Variants in SDK2 observed in about 807,000 individuals in gnomAD.
SDK2 encodes the protein protein sidekick-2.
In SDK2, 105 loss-of-function variants were observed where a neutral mutation model predicts 253.9. That is an observed-to-expected ratio of 0.41 (90% CI 0.35 to 0.49). SDK2 has a LOEUF of 0.49. SDK2 is among the 20% of genes least tolerant of loss of function. SDK2 has a pLI of 0.06. For synonymous variants in SDK2, 1,249 were observed against 1,234.9 expected, an observed-to-expected ratio of 1.01 and a Z score of -0.24; for missense variants, 2,608 against 3,003.0, an observed-to-expected ratio of 0.87 and a Z score of 3.07.
At chr17:73,598,728 C>T (rs923212317) in intron 1 of SDK2, among the ~76,000 whole-genome samples, 14 of 152,142 alleles carry the variant, frequency 9.2e-5, no homozygotes, top group Non-Finnish European at 1.8e-4. Flanking sequence ...CCAGGGACCA[C>T]CCCTAGCTGT....
chr17:73,524,938 C>T (rs777812743), intron 1 of SDK2, among the ~76,000 whole-genome samples: 15 of 152,250 alleles, frequency 9.9e-5, no homozygotes, highest in South Asian at 2.1e-4. Flanking sequence ...GCACATCATT[C>T]CCATGGACTT....
intron 40 of SDK2, among the ~76,000 whole-genome samples, chr17:73,354,493 G>A (rs1222910243): frequency 6.6e-6 from 1 of 152,210 alleles, no homozygotes; most frequent in African/African-American, 2.4e-5. Flanking sequence ...TGGGGCTGAT[G>A]GGGTCAGCCT....
intron 44 of SDK2, among the ~76,000 whole-genome samples, chr17:73,342,397 A>G (rs2062445867): frequency 6.6e-6 from 1 of 152,212 alleles, no homozygotes; most frequent in African/African-American, 2.4e-5. Flanking sequence ...CAGGCAGGCC[A>G]GGGAGACTCC....
chr17:73,533,679 C>T (rs1216105224), intron 1 of SDK2, among the ~76,000 whole-genome samples: 1 of 136,670 alleles, frequency 7.3e-6, no homozygotes. Context: ...TCCCCCAGCC[C>T]CCCACCCCCC....
intron 40 of SDK2, among the ~76,000 whole-genome samples, chr17:73,353,175 G>C (rs1396752293): frequency 6.6e-6 from 1 of 152,092 alleles, no homozygotes. Context: ...GTACTGTGCA[G>C]AAAGTACTGT....
In SDK2 at chr17:73,379,254, C is replaced by T. The variant is rs780372738; in HGVS notation, c.4903G>A (p.Ala1635Thr). The change falls in exon 36 of 45, where the codon GCC (alanine) becomes ACC (threonine). Residue 1635 changes from alanine to threonine, a missense_variant. Transcript: ENST00000392650. This position sits in a 1 kb window ranked among gnomAD's most constrained non-coding sequence, Gnocchi z 4.5. Reference protein sequence around the residue: ...AAPRNVVVHGATATQLDVTWE... With the variant: ...AAPRNVVVHGTTATQLDVTWE... ...GTCACGTCCAGCTGTGTGGCCGTGG[C>T]GCCGTGGACGACCACGTTACGAGGT... 2.6e-5 allele frequency: 41 copies of T among 1,555,938 alleles called. No homozygotes were observed. Among genetic ancestry groups the T allele is most frequent in the Admixed American group, 9.7e-5 (5 of 51,486 alleles).
chr17:73,574,419 G>GAACATGTGTACGTGCACA (rs373962355), intron 1 of SDK2, among the ~76,000 whole-genome samples: 14 of 105,400 alleles, frequency 1.3e-4, no homozygotes, highest in African/African-American at 4.4e-4. Context: ...TCACGTGCAT[G>GAACATGTGTACGTGCACA]CACATGTGTA....
chr17:73,535,920 C>T (rs892033684), intron 1 of SDK2, among the ~76,000 whole-genome samples: 3 of 152,102 alleles, frequency 2.0e-5, no homozygotes, highest in Admixed American at 2.0e-4. Flanking sequence ...CCATAAGGAC[C>T]ACGCCCACCC....
Position 73,609,770 on chromosome 17 carries a change from G to T in SDK2, c.64+34255C>A, listed in dbSNP as rs1253158367. Among the ~76,000 whole-genome samples, 2 of 152,222 alleles carry T rather than the reference G, an allele frequency of 1.3e-5. No individual in the cohort carries two copies. Among genetic ancestry groups the T allele is most frequent in the Admixed American group, 6.5e-5 (1 of 15,288 alleles). On this transcript the variant is annotated intron_variant, in intron 1 of 44. Coordinates refer to ENST00000392650, the MANE Select transcript of SDK2 (RefSeq NM_001144952.2). The surrounding 1 kb of genome is among the most constrained non-coding windows in gnomAD (Gnocchi z 4.4). ...AAGCACAGGAGGGAGGGAGGGAACTGCTGGGGCCAAAGTGGGAAAGAGAAG... is the reference window on the plus strand; with the variant it reads ...AAGCACAGGAGGGAGGGAGGGAACTTCTGGGGCCAAAGTGGGAAAGAGAAG...
chr17:73,411,658 C>T (rs1335717456), intron 18 of SDK2, among the ~76,000 whole-genome samples: 2 of 152,128 alleles, frequency 1.3e-5, no homozygotes, highest in East Asian at 3.9e-4. Context: ...ACGGGGCCCA[C>T]ATGGAATGAC....
chr17:73,451,114 C>T (rs1400110506), intron 4 of SDK2, among the ~76,000 whole-genome samples: 2 of 152,238 alleles, frequency 1.3e-5, no homozygotes, highest in African/African-American at 4.8e-5. Context: ...GCGCCTCCTG[C>T]GCGATCCTCA....
chr17:73,421,462 T>C (rs894706627), intron 15 of SDK2, among the ~76,000 whole-genome samples: 8 of 152,048 alleles, frequency 5.3e-5, no homozygotes, highest in Non-Finnish European at 1.0e-4. Flanking sequence ...TTGCTAGAGG[T>C]GGCTGCTTGT....
chr17:73,463,629 A>G (rs891347733), intron 3 of SDK2, among the ~76,000 whole-genome samples: 1 of 152,100 alleles, frequency 6.6e-6, no homozygotes, highest in African/African-American at 2.4e-5. Flanking sequence ...AACTTACACA[A>G]TTTGTGGTCA....
At chr17:73,391,910 G>A (rs1050368986) in intron 27 of SDK2, among the ~76,000 whole-genome samples, 1 of 151,834 alleles carries the variant, frequency 6.6e-6, no homozygotes, top group East Asian at 2.0e-4. Context: ...ATGGGGTGAA[G>A]TGGCCGTGGG....
intron 3 of SDK2, among the ~76,000 whole-genome samples, chr17:73,471,157 C>A (rs77277319): frequency 6.6e-5 from 10 of 152,194 alleles, no homozygotes; most frequent in Non-Finnish European, 1.3e-4. Context: ...TGCCCCCCAG[C>A]CTTTCTGGGA....
Position 73,461,534 on chromosome 17 carries a change from G to A in SDK2, c.332-5481C>T, listed in dbSNP as rs373005315. ...TATATGGGAATGGGAGGGGAAGTAC[G>A]TGAAGGCTCAGAGGTAGGAGAGAAG... On this transcript the variant is annotated intron_variant, in intron 3 of 44. Transcript: ENST00000392650. 1.1e-4 allele frequency among the ~76,000 whole-genome samples: 16 copies of A among 152,348 alleles called. No homozygotes were observed. In the South Asian group the frequency reaches 2.7e-3, roughly 26 times the overall value.
At chr17:73,370,300 T>A (rs1173451071) in intron 36 of SDK2, among the ~76,000 whole-genome samples, 1 of 152,206 alleles carries the variant, frequency 6.6e-6, no homozygotes, top group African/African-American at 2.4e-5. Context: ...TGGAGTGCAG[T>A]GGCACGATCA....
intron 2 of SDK2, among the ~76,000 whole-genome samples, chr17:73,477,629 G>C (rs115540092): frequency 0.013 from 1,989 of 152,356 alleles, 46 homozygotes; most frequent in African/African-American, 0.043. Context: ...AGGGGCAAAT[G>C]TAAGAGTCAT....
intron 1 of SDK2, among the ~76,000 whole-genome samples, chr17:73,635,446 T>G (rs1212129072): frequency 1.3e-5 from 2 of 152,094 alleles, no homozygotes; most frequent in Non-Finnish European, 2.9e-5. Flanking sequence ...AGGTGCCCAG[T>G]GATATTTTTG....
Sources: allele counts gnomAD v4.1 joint callset (sites outside exome capture counted in the v4.1 genomes callset), GRCh38; gene constraint gnomAD v4.1.1; non-coding constraint Gnocchi (gnomAD v3.1); transcripts MANE v1.5; gene names NCBI Gene and HGNC (gene_info 2026-07-23, HGNC 2026-07-21).